The following HERC1 variants were observed in gnomAD, a reference collection of about 807,000 sequenced individuals.
HERC1 encodes probable E3 ubiquitin-protein ligase HERC1.
HERC1 carries 160 observed loss-of-function variants against 554.3 expected under a neutral mutation model. That is an observed-to-expected ratio of 0.29 (90% confidence interval 0.25 to 0.33). The LOEUF (loss-of-function observed/expected upper bound fraction) is 0.33. HERC1 is among the 10% of genes least tolerant of loss of function. The pLI is 1.00. For missense variants in HERC1, 4,919 were observed against 5,918.5 expected, an observed-to-expected ratio of 0.83 and a Z score of 5.54; for synonymous variants, 2,175 against 2,131.7, an observed-to-expected ratio of 1.02 and a Z score of -0.56.
At chr15:63,813,801 C>T (rs1199964814) in intron 1 of HERC1, among the ~76,000 whole-genome samples, 3 of 152,192 alleles carry the variant, frequency 2.0e-5, no homozygotes, top group Non-Finnish European at 4.4e-5. Context: ...GGTATGGTGG[C>T]TCGCGCCTGT....
At chr15:63,766,925 A>C (rs1474356309) in intron 2 of HERC1, among the ~76,000 whole-genome samples, 1 of 151,066 alleles carries the variant, frequency 6.6e-6, no homozygotes, top group East Asian at 1.9e-4. Flanking sequence ...TGATCTGCCC[A>C]CCTGGGCCTC....
In HERC1 at chr15:63,612,320, T is replaced by C. The variant is rs2067637617; in HGVS notation, c.14331A>G (p.Ser4777=). The C allele has an allele frequency of 3.7e-6, 6 of 1,613,974 alleles. No individual in the cohort carries two copies. The highest frequency in any genetic ancestry group is 5.1e-6 in the Non-Finnish European group (6 of 1,179,848). Residue 4777 remains serine (S), a synonymous_variant, in exon 77 of 78, where the codon TCA becomes TCG. Coordinates refer to ENST00000443617, the MANE Select transcript of HERC1 (RefSeq NM_003922.4). The surrounding 1 kb of genome is among the most constrained non-coding windows in gnomAD (Gnocchi z 5.0). ...TGTTGGCTGGTAGTCGAGATCTTCC[T>C]GACACAAACCTCATGAAAAGCACCC... The part of the protein sequence containing the change: ...EERVLFMRFV[S]GRSRLPANTA...
intron 74 of HERC1, among the ~76,000 whole-genome samples, chr15:63,618,189 G>C (rs1242387073): frequency 6.6e-6 from 1 of 150,908 alleles, no homozygotes; most frequent in Admixed American, 6.6e-5. Flanking sequence ...TGTATAAGGT[G>C]TAAGGAAGGG....
At chr15:63,690,146 G>A (rs571150023) in intron 32 of HERC1, among the ~76,000 whole-genome samples, 7 of 136,414 alleles carry the variant, frequency 5.1e-5, no homozygotes, top group South Asian at 2.3e-4. Context: ...CAGGCTGGGC[G>A]ACAGAGCGAG....
rs187552051 is a variant in HERC1 at position 63,745,107 on chromosome 15, T to C, written c.2520+1811A>G. ...CTCTGACTGGTCCCCTATCCTGCTG[T>C]GACCAAGATGTTATCTAAGACACAA... is the stretch of plus-strand genomic sequence containing the variant. On this transcript the variant is annotated intron_variant, in intron 12 of 77. Coordinates refer to ENST00000443617, the MANE Select transcript of HERC1 (RefSeq NM_003922.4). Among the ~76,000 whole-genome samples the C allele has an allele frequency of 1.7e-3, 261 of 152,294 alleles. 1 individual carries two copies. Among genetic ancestry groups the C allele is most frequent in the Non-Finnish European group, 1.2e-3 (81 of 68,024 alleles).
intron 34 of HERC1, 73 bp downstream of exon 34, chr15:63,686,286 C>G: frequency 9.1e-7 from 1 of 1,102,408 alleles, no homozygotes; most frequent in Non-Finnish European, 1.3e-6. Context: ...TCTTTCTACA[C>G]ATTTATTATA....
At chr15:63,829,591 AT>A (rs1567172244) in intron 1 of HERC1, among the ~76,000 whole-genome samples, 28 of 137,312 alleles carry the variant, frequency 2.0e-4, no homozygotes, top group African/African-American at 6.0e-4. Context: ...ATATATATAT[AT>A]ATAATATACT....
At chr15:63,689,961 T>C (rs939883928) in intron 32 of HERC1, among the ~76,000 whole-genome samples, 13 of 151,802 alleles carry the variant, frequency 8.6e-5, no homozygotes, top group Admixed American at 2.0e-4. Flanking sequence ...GTTGGGAGTT[T>C]GAGACCAGCC....
chr15:63,777,699 C>T (rs1380908515), intron 1 of HERC1, among the ~76,000 whole-genome samples: 1 of 152,160 alleles, frequency 6.6e-6, no homozygotes, highest in Non-Finnish European at 1.5e-5. Context: ...ACACACACAT[C>T]TTTTATTTTA....
chr15:63,771,600 TTTTTTA>T, intron 2 of HERC1, among the ~76,000 whole-genome samples: 1 of 151,908 alleles, frequency 6.6e-6, no homozygotes, highest in Admixed American at 6.6e-5. Context: ...CCTGGCTAAT[TTTTTTA>T]TTTTTAATAG....
chr15:63,619,357 T>C (rs2067966653), intron 74 of HERC1, among the ~76,000 whole-genome samples: 1 of 152,206 alleles, frequency 6.6e-6, no homozygotes. Context: ...CACTTGATCA[T>C]GGTGGATAAG....
chr15:63,764,598 G>A (rs1057464876), intron 2 of HERC1, among the ~76,000 whole-genome samples: 2 of 152,126 alleles, frequency 1.3e-5, no homozygotes, highest in African/African-American at 2.4e-5. Context: ...AATACAGCCA[G>A]CTTTAGTAAT....
intron 2 of HERC1, among the ~76,000 whole-genome samples, chr15:63,766,544 A>G (rs562556788): frequency 3.6e-4 from 55 of 152,354 alleles, no homozygotes; most frequent in Admixed American, 8.5e-4. Context: ...GCACCACTGC[A>G]CTCCAGCCTA....
intron 2 of HERC1, among the ~76,000 whole-genome samples, chr15:63,769,669 C>T (rs1392188283): frequency 2.6e-5 from 4 of 151,932 alleles, no homozygotes; most frequent in Non-Finnish European, 4.4e-5. Flanking sequence ...GCCTGGCCAA[C>T]ATGGTGAAGC....
intron 24 of HERC1, among the ~76,000 whole-genome samples, chr15:63,707,709 G>A (rs1488156333): frequency 2.6e-5 from 4 of 151,866 alleles, no homozygotes; most frequent in Non-Finnish European, 4.4e-5. Context: ...CAGGTGGATC[G>A]CTTGAGGCCA....
In HERC1 at chr15:63,675,028, C is replaced by T. The variant is rs766078088; in HGVS notation, c.7160G>A (p.Gly2387Asp). Residue 2387 changes from glycine (G) to aspartate (D), a missense_variant, in exon 38 of 78, where the codon GGC becomes GAC. Coordinates refer to ENST00000443617, the MANE Select transcript of HERC1 (RefSeq NM_003922.4). Reference protein sequence around the residue: ...PLPFDVARFRGLTASVLLDLT... With the variant: ...PLPFDVARFRDLTASVLLDLT... ...GTCCAGCAGCACAGAAGCCGTCAGGCCTCGGAATCGCGCCACATCAAACGG... is the reference window on the plus strand; with the variant it reads ...GTCCAGCAGCACAGAAGCCGTCAGGTCTCGGAATCGCGCCACATCAAACGG... The T allele has an allele frequency of 1.2e-5, 20 of 1,613,910 alleles. No homozygotes were observed. The highest frequency in any genetic ancestry group is 1.6e-4 in the Middle Eastern group (1 of 6,084).
intron 76 of HERC1, among the ~76,000 whole-genome samples, chr15:63,614,999 T>C (rs1047833406): frequency 1.3e-5 from 2 of 152,200 alleles, no homozygotes; most frequent in Admixed American, 6.5e-5. Context: ...GTGCAGGAGA[T>C]GCCCTCTTAG....
chr15:63,623,664 A>G (rs1052441740), intron 73 of HERC1, 61 bp downstream of exon 73: 5 of 1,515,484 alleles, frequency 3.3e-6, no homozygotes, highest in Non-Finnish European at 4.6e-6. Context: ...TGATCACTGG[A>G]AACAGCAAAA....
At chr15:63,729,684 G>A in intron 14 of HERC1, 35 bp from the exon 15 acceptor site, 1 of 1,606,720 alleles carries the variant, frequency 6.2e-7, no homozygotes, top group South Asian at 1.1e-5. Flanking sequence ...TATATTTGAA[G>A]TGCTTGAAAC....
Sources: gnomAD v4.1 joint callset for allele counts (sites outside exome capture counted in the v4.1 genomes callset) on GRCh38, gnomAD v4.1.1 for gene constraint, Gnocchi (gnomAD v3.1) non-coding constraint, MANE v1.5 for transcripts, NCBI Gene and HGNC (gene_info 2026-07-23, HGNC 2026-07-21) for gene names.